GRIA4: variants seen among roughly 807,000 people sequenced by gnomAD.
GRIA4 encodes glutamate ionotropic receptor AMPA type subunit 4, also known as glutamate receptor 4.
A neutral mutation model predicts 104.0 loss-of-function variants in GRIA4; 34 were observed. The ratio of observed to expected loss-of-function variants is 0.33; its 90% CI spans 0.25 to 0.44. The LOEUF (loss-of-function observed/expected upper bound fraction) is 0.44. Ranked by LOEUF, GRIA4 falls within the 20% of genes least tolerant of loss-of-function variation. GRIA4 has a pLI of 1.00. For synonymous variants in GRIA4, 386 were observed against 381.9 expected (o/e 1.01, Z -0.13); for missense variants, 750 against 1,096.5 (o/e 0.68, Z 4.46).
intron 4 of GRIA4, among the ~76,000 whole-genome samples, chr11:105,766,767 T>C (rs947174273): frequency 5.3e-5 from 8 of 152,114 alleles, no homozygotes; most frequent in Admixed American, 3.3e-4. Flanking sequence ...GTTCTTATGA[T>C]GGCAAACCAG....
chr11:105,979,000 C>T (rs1182060433), intron 16 of GRIA4, among the ~76,000 whole-genome samples: 1 of 152,106 alleles, frequency 6.6e-6, no homozygotes, highest in African/African-American at 2.4e-5. Context: ...GCCTTAGTGT[C>T]CATAATAGCA....
intron 4 of GRIA4, among the ~76,000 whole-genome samples, chr11:105,802,780 A>AG (rs1942778009): frequency 6.6e-6 from 1 of 151,544 alleles, no homozygotes; most frequent in Non-Finnish European, 1.5e-5. Flanking sequence ...TCATTGAAAA[A>AG]AACAACATTT....
At chr11:105,737,851 TTA>T (rs549480579) in intron 3 of GRIA4, among the ~76,000 whole-genome samples, 72 of 152,264 alleles carry the variant, frequency 4.7e-4, no homozygotes, top group Non-Finnish European at 9.1e-4. Context: ...ATGTATAAAC[TTA>T]TATGAGTTGC....
Position 105,933,949 on chromosome 11 carries a change from G to T in GRIA4, c.2274G>T (p.Thr758=). ...NLDSKGYGVA[T]PKGSSLRTPV... The stretch of plus-strand genomic sequence containing the variant: ...ATTCCAAAGGCTATGGAGTAGCAAC[G>T]CCCAAGGGTTCCTCATTAAGGTGGG... The change falls in exon 14 of 17, where the codon ACG becomes ACT. Residue 758 remains threonine, a synonymous_variant. Coordinates refer to ENST00000282499, the MANE Select transcript of GRIA4 (RefSeq NM_000829.4). The T allele has an allele frequency of 6.2e-7, 1 of 1,612,834 alleles. No homozygotes were observed. Among genetic ancestry groups the T allele is most frequent in the Non-Finnish European group, 8.5e-7 (1 of 1,179,100 alleles).
At chr11:105,912,427 AAT>A (rs943860164) in intron 10 of GRIA4, 2 of 963,466 alleles carry the variant, frequency 2.1e-6, no homozygotes, top group African/African-American at 3.5e-5. Context: ...TTAAAACCAA[AAT>A]ACTGAATTAA....
At chr11:105,614,229 GAT>G (rs1950545462) in intron 3 of GRIA4, 2 of 151,372 alleles carry the variant, frequency 1.3e-5, no homozygotes, top group African/African-American at 2.4e-5. Flanking sequence ...ACAAGTGGCA[GAT>G]ATATGTTTTA....
intron 5 of GRIA4, among the ~76,000 whole-genome samples, chr11:105,875,473 T>C (rs1359549358): frequency 1.3e-5 from 2 of 152,144 alleles, no homozygotes; most frequent in East Asian, 3.9e-4. Flanking sequence ...TGTTTGGAAT[T>C]GTTTCAGAAG....
chr11:105,669,986 A>C (rs1952307951), intron 3 of GRIA4, among the ~76,000 whole-genome samples: 1 of 152,142 alleles, frequency 6.6e-6, no homozygotes, highest in Admixed American at 6.6e-5. Flanking sequence ...GTGGGCTCAG[A>C]AAACAAAGGA....
At chr11:105,830,632 T>C (rs1226229825) in intron 4 of GRIA4, among the ~76,000 whole-genome samples, 1 of 152,004 alleles carries the variant, frequency 6.6e-6, no homozygotes, top group Admixed American at 6.6e-5. Flanking sequence ...AATTTCAAAG[T>C]GGAAGAAATG....
At chr11:105,613,095 C>T (rs1950519499) in intron 3 of GRIA4, 1 of 152,232 alleles carries the variant, frequency 6.6e-6, no homozygotes, top group East Asian at 1.9e-4. Flanking sequence ...TCACATTAGG[C>T]TCCCATCCAC....
At chr11:105,713,895 C>T (rs2135555700) in intron 3 of GRIA4, among the ~76,000 whole-genome samples, 1 of 152,282 alleles carries the variant, frequency 6.6e-6, no homozygotes, top group South Asian at 2.1e-4. Context: ...TGCAAGGAAA[C>T]ACTTCTGTGT....
intron 4 of GRIA4, among the ~76,000 whole-genome samples, chr11:105,848,310 A>T (rs1041387914): frequency 1.3e-4 from 20 of 152,238 alleles, no homozygotes; most frequent in Admixed American, 1.2e-3. Flanking sequence ...TATTAAAAAA[A>T]TTAATTGAAA....
intron 11 of GRIA4, among the ~76,000 whole-genome samples, chr11:105,920,708 G>A (rs933904372): frequency 6.6e-6 from 1 of 152,112 alleles, no homozygotes; most frequent in African/African-American, 2.4e-5. Context: ...CCAAAGTTAT[G>A]CAGTTCTCAA....
chr11:105,740,738 A>G (rs1385757974), intron 3 of GRIA4, among the ~76,000 whole-genome samples: 3 of 152,158 alleles, frequency 2.0e-5, no homozygotes, highest in African/African-American at 7.2e-5. Context: ...ACTGGTGAGA[A>G]GTCCAACTAT....
chr11:105,746,168 T>A (rs1159846318), intron 3 of GRIA4, among the ~76,000 whole-genome samples: 1 of 152,022 alleles, frequency 6.6e-6, no homozygotes, highest in Non-Finnish European at 1.5e-5. Context: ...GACAAGTAAT[T>A]GTATAATATT....
intron 6 of GRIA4, among the ~76,000 whole-genome samples, chr11:105,897,453 G>A (rs149387584): frequency 7.7e-4 from 117 of 151,956 alleles, no homozygotes; most frequent in African/African-American, 2.5e-3. Flanking sequence ...TGTTAAATAC[G>A]AGTGGTGAGA....
intron 13 of GRIA4, among the ~76,000 whole-genome samples, chr11:105,930,065 T>C (rs1256880381): frequency 6.6e-6 from 1 of 152,146 alleles, no homozygotes; most frequent in Non-Finnish European, 1.5e-5. Context: ...TAAATGTTCC[T>C]TTATCACTGT....
intron 3 of GRIA4, among the ~76,000 whole-genome samples, chr11:105,657,369 T>A (rs1031446376): frequency 1.3e-5 from 2 of 151,936 alleles, no homozygotes; most frequent in African/African-American, 4.8e-5. Context: ...AAAAACCTAC[T>A]GAAATAAAAA....
Position 105,926,867 on chromosome 11 carries a change from A to G in GRIA4, c.1974A>G (p.Ala658=), listed in dbSNP as rs765582493. 1.9e-6 allele frequency: 3 copies of G among 1,612,108 alleles called. No individual in the cohort carries two copies. The highest frequency in any genetic ancestry group is 1.1e-5 in the South Asian group (1 of 91,060). ...VERMVSPIES[A]EDLAKQTEIA... ...GAATGGTCTCTCCCATAGAAAGTGC[A>G]GAAGACCTGGCCAAACAAACAGAAA... The change falls in exon 13 of 17, where the codon GCA becomes GCG. Residue 658 remains alanine (A), a synonymous_variant. Transcript: ENST00000282499.
Sources: gnomAD v4.1 joint callset for allele counts (sites outside exome capture counted in the v4.1 genomes callset) on GRCh38, gnomAD v4.1.1 for gene constraint, MANE v1.5 for transcripts, NCBI Gene and HGNC (gene_info 2026-07-23, HGNC 2026-07-21) for gene names.